Variants in CNTNAP3 observed in about 807,000 individuals in gnomAD.
CNTNAP3 encodes the protein contactin associated protein family member 3.
CNTNAP3 carries 36 observed loss-of-function variants against 92.1 expected under a neutral mutation model. The observed-to-expected ratio is 0.39, with a 90% CI of 0.30 to 0.52. The LOEUF (loss-of-function observed/expected upper bound fraction) is 0.52, where lower values mean the gene tolerates loss of function less well. Ranked by LOEUF, CNTNAP3 falls within the 20% of genes least tolerant of loss-of-function variation. The probability of loss-of-function intolerance (pLI) is 0.76; values close to 1 mark genes in which losing one functional copy is unlikely to be tolerated. For synonymous variants in CNTNAP3, 232 were observed against 422.3 expected (o/e 0.55, Z 5.53); for missense variants, 534 against 1,069.6 (o/e 0.50, Z 6.98).
chr9:39,146,514 C>CAG (rs2118121027), intron 10 of CNTNAP3, among the ~76,000 whole-genome samples: 1 of 151,274 alleles, frequency 6.6e-6, no homozygotes, highest in South Asian at 2.1e-4. Context: ...ACGGTGAAAC[C>CAG]CCGTCTTTAC....
chr9:39,077,181 T>TA (rs1825799618), intron 23 of CNTNAP3, among the ~76,000 whole-genome samples: 1 of 152,194 alleles, frequency 6.6e-6, no homozygotes, highest in African/African-American at 2.4e-5. Context: ...AAGTGAAACA[T>TA]ACAATGGCTA....
rs545500886 is a variant in CNTNAP3, at chr9:39,145,088, C to G, written c.1650-742G>C. On this transcript the variant is annotated intron_variant, in intron 10 of 23. Transcript: ENST00000297668. ...CTTTCAGAATTCTTGGAATCTGCTGCCGCCCACTATAATATTGGGGGCCTA... is the reference window on the plus strand; with the variant it reads ...CTTTCAGAATTCTTGGAATCTGCTGGCGCCCACTATAATATTGGGGGCCTA... 3.6e-5 allele frequency among the ~76,000 whole-genome samples: 5 copies of G among 139,474 alleles called. 1 individual carries two copies. The highest frequency in any genetic ancestry group is 6.4e-5 in the Non-Finnish European group (4 of 62,262). The allele number at this position is 139,474 out of a possible 152,430, so 91.5% of individuals were successfully genotyped here. A position where few individuals can be genotyped will look rare whatever the true frequency, so the allele number is the denominator to read the frequency against.
chr9:39,136,418 C>A (rs1384324779), intron 12 of CNTNAP3, among the ~76,000 whole-genome samples: 1 of 152,058 alleles, frequency 6.6e-6, no homozygotes, highest in South Asian at 2.1e-4. Context: ...CTGACCCTTT[C>A]ATTTGTCTGA....
At chr9:39,111,111 A>G (rs1826738359) in intron 14 of CNTNAP3, among the ~76,000 whole-genome samples, 1 of 152,208 alleles carries the variant, frequency 6.6e-6, no homozygotes, top group South Asian at 2.1e-4. Context: ...ATACTAGAAT[A>G]CAATGCATAA....
At chr9:39,112,720 C>A (rs1007197513) in intron 14 of CNTNAP3, among the ~76,000 whole-genome samples, 2 of 151,980 alleles carry the variant, frequency 1.3e-5, no homozygotes, top group African/African-American at 4.8e-5. Context: ...TCATTATGAT[C>A]CACATCTAAC....
intron 13 of CNTNAP3, among the ~76,000 whole-genome samples, chr9:39,120,120 A>G (rs902944691): frequency 6.6e-6 from 1 of 152,216 alleles, no homozygotes; most frequent in Non-Finnish European, 1.5e-5. Context: ...CCAAAAAAGG[A>G]TAAACCCAAA....
At chr9:39,139,643 G>C (rs1821523476) in intron 12 of CNTNAP3, 1 of 152,124 alleles carries the variant, frequency 6.6e-6, no homozygotes, top group Non-Finnish European at 1.5e-5. Context: ...ACTTTGCAGA[G>C]AGTTGGAAGA....
intron 21 of CNTNAP3, among the ~76,000 whole-genome samples, chr9:39,082,612 C>T (rs547538618): frequency 1.6e-3 from 251 of 152,402 alleles, no homozygotes; most frequent in African/African-American, 5.9e-3. Context: ...AAGATGCTGA[C>T]AGCACTTTAC....
intron 8 of CNTNAP3, among the ~76,000 whole-genome samples, chr9:39,166,499 GAA>G (rs1822174603): frequency 1.4e-5 from 2 of 144,332 alleles, no homozygotes; most frequent in East Asian, 2.0e-4. Flanking sequence ...GAATGATTGT[GAA>G]AAGTTTTTTT....
At position 39,066,538 on chromosome 9, in the gene CNTNAP3, G is replaced by A. The variant is rs1364959794; in HGVS notation, c.*7352C>T. Among the ~76,000 whole-genome samples the A allele has an allele frequency of 6.6e-6, 1 of 152,192 alleles. No individual in the cohort carries two copies. Among genetic ancestry groups the A allele is most frequent in the Non-Finnish European group, 1.5e-5 (1 of 68,036 alleles). On this transcript the variant is annotated 3_prime_UTR_variant, in exon 24 of 24. Coordinates refer to ENST00000297668, the MANE Select transcript of CNTNAP3 (RefSeq NM_033655.5). ...CTTTTACACTGTTCTCATAGTCCAG[G>A]TTTGCTGATAATATATTACTTTTAA...
In CNTNAP3 at chr9:39,105,363, C is replaced by T. The variant is rs937867326; in HGVS notation, c.2366-1449G>A. ...AATGGAGTGAACCCGGGAGGCGGAG[C>T]TTGCAGTGAGGTGAGATCATGCCAC... On this transcript the variant is annotated intron_variant, in intron 15 of 23. Transcript: ENST00000297668. 3.9e-5 allele frequency among the ~76,000 whole-genome samples: 6 copies of T among 152,210 alleles called. No homozygotes were observed. In the South Asian group the frequency reaches 8.3e-4, roughly 21 times the overall value.
intron 14 of CNTNAP3, among the ~76,000 whole-genome samples, chr9:39,109,939 T>C (rs1826702592): frequency 6.6e-6 from 1 of 152,234 alleles, no homozygotes; most frequent in South Asian, 2.1e-4. Flanking sequence ...CATTATTTTT[T>C]AAAGTCCTTT....
intron 14 of CNTNAP3, among the ~76,000 whole-genome samples, chr9:39,114,422 C>G (rs937483931): frequency 6.6e-6 from 1 of 152,112 alleles, no homozygotes; most frequent in Non-Finnish European, 1.5e-5. Flanking sequence ...ATGATACACA[C>G]AAGTGTAGTG....
intron 18 of CNTNAP3, among the ~76,000 whole-genome samples, chr9:39,093,235 T>G (rs1304811178): frequency 1.5e-5 from 2 of 134,750 alleles, no homozygotes; most frequent in African/African-American, 5.5e-5. Context: ...TAGATTTACA[T>G]CTGCCATTTT....
chr9:39,099,601 T>C (rs539639573), intron 18 of CNTNAP3, among the ~76,000 whole-genome samples: 1 of 152,254 alleles, frequency 6.6e-6, no homozygotes, highest in East Asian at 1.9e-4. Flanking sequence ...GGTTTACTGA[T>C]GTTAAAATTA....
In CNTNAP3 at chr9:39,072,639, G is replaced by A. The variant is rs1369099168; in HGVS notation, c.*1251C>T. 6.6e-6 allele frequency: 1 copy of A among 152,204 alleles called. No individual in the cohort carries two copies. The highest frequency in any genetic ancestry group is 1.5e-5 in the Non-Finnish European group (1 of 68,030). 9.4% of individuals were successfully genotyped at this position (152,204 alleles called of 1,614,324 possible). A position where few individuals can be genotyped will look rare whatever the true frequency, so the allele number is the denominator to read the frequency against. ...GACTGGCAGATTTAATAAACATCAT[G>A]TAAATGCTAACTTAACTTGGAGTGA... On this transcript the variant is annotated 3_prime_UTR_variant, in exon 24 of 24. Coordinates refer to ENST00000297668, the MANE Select transcript of CNTNAP3 (RefSeq NM_033655.5).
At chr9:39,085,226 C>T (rs1474330168) in intron 21 of CNTNAP3, 5 of 150,512 alleles carry the variant, frequency 3.3e-5, no homozygotes, top group African/African-American at 1.3e-4. Context: ...TATGAATATG[C>T]CTCCCCATTC....
chr9:39,125,203 T>G (rs1821127490), intron 13 of CNTNAP3, among the ~76,000 whole-genome samples: 1 of 152,066 alleles, frequency 6.6e-6, no homozygotes, highest in African/African-American at 2.4e-5. Flanking sequence ...TTCATGTCCT[T>G]TGTAGGGCCA....
rs950134800 is a variant in CNTNAP3 at position 39,066,748 on chromosome 9, T to G, written c.*7142A>C. ...TCCAAAAAGAAGTCTGGTATCATCC[T>G]TGTTTTTCTTCTCTGTGTAAGACTT... On this transcript the variant is annotated 3_prime_UTR_variant, in exon 24 of 24. Transcript: ENST00000297668. 2.6e-5 allele frequency among the ~76,000 whole-genome samples: 4 copies of G among 152,312 alleles called. No individual in the cohort carries two copies. The highest frequency in any genetic ancestry group is 1.3e-4 in the Admixed American group (2 of 15,294).
Sources: allele counts gnomAD v4.1 joint callset (sites outside exome capture counted in the v4.1 genomes callset), GRCh38; gene constraint gnomAD v4.1.1; transcripts MANE v1.5; gene names NCBI Gene and HGNC (gene_info 2026-07-23, HGNC 2026-07-21).